MYO15A: variants seen among roughly 807,000 people sequenced by gnomAD.
The protein encoded by MYO15A is myosin XVA.
MYO15A carries 308 observed loss-of-function variants against 394.6 expected under a neutral mutation model. The ratio of observed to expected loss-of-function variants is 0.78; its 90% CI spans 0.71 to 0.86. The LOEUF is 0.86. MYO15A is among the 40% of genes least tolerant of loss of function. The probability of loss-of-function intolerance (pLI) is 0.00; values close to 1 mark genes in which losing one functional copy is unlikely to be tolerated. For missense variants in MYO15A, 4,606 were observed against 4,799.1 expected, an observed-to-expected ratio of 0.96 and a Z score of 1.19; for synonymous variants, 1,957 against 2,003.8, an observed-to-expected ratio of 0.98 and a Z score of 0.62.
intron 52 of MYO15A, 45 bp downstream of exon 52, chr17:18,158,683 G>C (rs747226995): frequency 1.9e-6 from 3 of 1,601,244 alleles, no homozygotes; most frequent in Non-Finnish European, 2.6e-6. Context: ...GAGGGTGCTG[G>C]GCTTCTTGCT....
intron 57 of MYO15A, 114 bp from the exon 58 acceptor site, chr17:18,162,471 C>T (rs1283461238): frequency 3.2e-6 from 3 of 933,928 alleles, no homozygotes; most frequent in Non-Finnish European, 5.0e-6. Flanking sequence ...GAGTAAATGC[C>T]TTCCCCACAG....
chr17:18,175,590 C>G (rs11871039), intron 65 of MYO15A, among the ~76,000 whole-genome samples: 25,673 of 152,004 alleles, frequency 0.17, 2,302 homozygotes, highest in Middle Eastern at 0.21. Context: ...GCCACCACTC[C>G]TGGCCCCCTA....
At chr17:18,171,240 A>C in intron 62 of MYO15A, among the ~76,000 whole-genome samples, 1 of 152,116 alleles carries the variant, frequency 6.6e-6, no homozygotes, top group Non-Finnish European at 1.5e-5. Flanking sequence ...TGCTTTGCCT[A>C]CCCTGATGTT....
At chr17:18,136,251 CAG>C (rs2046268342) in intron 13 of MYO15A, among the ~76,000 whole-genome samples, 164 bp from the exon 14 acceptor site, 1 of 152,156 alleles carries the variant, frequency 6.6e-6, no homozygotes, top group Non-Finnish European at 1.5e-5. Flanking sequence ...CATTTCCAGG[CAG>C]AGTCAGAGTG....
At position 18,138,215 on chromosome 17, in the gene MYO15A, G is replaced by A. The variant is rs141473928; in HGVS notation, c.4976G>A (p.Arg1659Gln). 739 of 1,613,516 alleles carry A rather than the reference G, an allele frequency of 4.6e-4. No homozygotes were observed. Among genetic ancestry groups the A allele is most frequent in the Non-Finnish European group, 5.6e-4 (664 of 1,180,012 alleles). ...LISLKPYGIL[R>Q]ILDDQCCFPQ... ...TCACTGAAGCCTTATGGCATCCTGCGGATCCTTGACGACCAGTGTTGCTTT... is the reference window on the plus strand; with the variant it reads ...TCACTGAAGCCTTATGGCATCCTGCAGATCCTTGACGACCAGTGTTGCTTT... The change falls in exon 17 of 66, where the codon CGG (arginine) becomes CAG (glutamine). Residue 1659 changes from arginine to glutamine, a missense_variant. This residue lies in a region of MYO15A where 2,776 missense variants were observed against 3,109.3 expected (regional missense o/e 0.89). Transcript: ENST00000647165.
intron 24 of MYO15A, among the ~76,000 whole-genome samples, chr17:18,142,552 C>G (rs1469421311): frequency 6.6e-6 from 1 of 152,216 alleles, no homozygotes; most frequent in Admixed American, 6.5e-5. Context: ...CAGGTTTAAT[C>G]CAGGCCTTGC....
chr17:18,125,306 C>T, intron 4 of MYO15A, 75 bp downstream of exon 4: 1 of 1,425,726 alleles, frequency 7.0e-7, no homozygotes, highest in Non-Finnish European at 9.9e-7. Context: ...GTGGGACGCA[C>T]AGATTTCTCT....
At position 18,127,066 on chromosome 17, in the gene MYO15A, C is replaced by T; in HGVS notation, c.3942-9C>T. 1 of 1,614,064 alleles carries T rather than the reference C, an allele frequency of 6.2e-7. No homozygotes were observed. The highest frequency in any genetic ancestry group is 1.1e-5 in the South Asian group (1 of 91,082). ...GGTTGGAGCTCACTCTGCCCCTTTGCTCGGTCAGTGGAGAGAGCGGCTCTG... is the reference window on the plus strand; with the variant it reads ...GGTTGGAGCTCACTCTGCCCCTTTGTTCGGTCAGTGGAGAGAGCGGCTCTG... On this transcript the variant is annotated splice_polypyrimidine_tract_variant and intron_variant, in intron 6 of 65. Coordinates refer to ENST00000647165, the MANE Select transcript of MYO15A (RefSeq NM_016239.4).
Position 18,124,585 on chromosome 17 carries a change from G to A in MYO15A, c.3692+20G>A, listed in dbSNP as rs780319267. Reference sequence around the variant, plus strand: ...GCTGGAGTGAGTGGGCAGGGCCGGCGGGGTCAGCAAGGGGTCACCATGGGG... The same window carrying A: ...GCTGGAGTGAGTGGGCAGGGCCGGCAGGGTCAGCAAGGGGTCACCATGGGG... On this transcript the variant is annotated intron_variant, in intron 3 of 65. Coordinates refer to ENST00000647165, the MANE Select transcript of MYO15A (RefSeq NM_016239.4). The A allele has an allele frequency of 1.9e-5, 30 of 1,611,282 alleles. No individual in the cohort carries two copies. In the Middle Eastern group the frequency reaches 4.9e-4, roughly 27 times the overall value.
At chr17:18,142,047 T>C (rs763053743) in intron 23 of MYO15A, 32 bp from the exon 24 acceptor site, 2 of 1,609,812 alleles carry the variant, frequency 1.2e-6, no homozygotes, top group Admixed American at 1.7e-5. Flanking sequence ...TCCTGGCTCC[T>C]ATCTGCCTCA....
rs778204085 is a variant in MYO15A at position 18,161,298 on chromosome 17, C to T, written c.9387-19C>T. 3.7e-6 allele frequency: 6 copies of T among 1,612,902 alleles called. No individual in the cohort carries two copies. Among genetic ancestry groups the T allele is most frequent in the Non-Finnish European group, 5.1e-6 (6 of 1,179,808 alleles). ...AGTGCTGTGGCCACCTCTGCTGTAG[C>T]CCCCATGTGTCCTTGCAGGGACAGC... On this transcript the variant is annotated intron_variant, in intron 56 of 65. Transcript: ENST00000647165.
chr17:18,176,970 C>T (rs2142446605), intron 65 of MYO15A: 1 of 152,370 alleles, frequency 6.6e-6, no homozygotes, highest in Non-Finnish European at 1.5e-5. Context: ...CAGCGCCTGG[C>T]ACATAGTAGA....
At chr17:18,136,171 G>A (rs2142317131) in intron 13 of MYO15A, among the ~76,000 whole-genome samples, 1 of 152,260 alleles carries the variant, frequency 6.6e-6, no homozygotes, top group Admixed American at 6.5e-5. Flanking sequence ...TCCCTTCCCA[G>A]GGTTGATCTC....
At chr17:18,157,931 G>GGGGGGGGGGGGGCCC in intron 51 of MYO15A, 31 bp downstream of exon 51, 1 of 412,710 alleles carries the variant, frequency 2.4e-6, no homozygotes, top group East Asian at 6.5e-5. Flanking sequence ...GTGGGGCGGG[G>GGGGGGGGGGGGGCCC]TAGACCAGGG....
intron 22 of MYO15A, 107 bp from the exon 23 acceptor site, chr17:18,141,546 C>A: frequency 9.3e-7 from 1 of 1,075,296 alleles, no homozygotes; most frequent in South Asian, 1.3e-5. Context: ...GGAGCCACCA[C>A]TGGGACCAGG....
chr17:18,173,553 A>C, intron 64 of MYO15A: 26 of 585,540 alleles, frequency 4.4e-5, no homozygotes, highest in East Asian at 1.3e-4. Flanking sequence ...GGTACATGAT[A>C]GATGCATCAT....
intron 12 of MYO15A, among the ~76,000 whole-genome samples, chr17:18,134,210 GCT>G (rs2046222851): frequency 6.6e-6 from 1 of 151,482 alleles, no homozygotes; most frequent in South Asian, 2.1e-4. Context: ...GGATGGTCTC[GCT>G]CTCTTGACCT....
Position 18,158,547 on chromosome 17 carries a change from G to A in MYO15A, c.8992G>A (p.Ala2998Thr), listed in dbSNP as rs761754805. 1.2e-6 allele frequency: 2 copies of A among 1,614,182 alleles called. No homozygotes were observed. The highest frequency in any genetic ancestry group is 2.2e-5 in the South Asian group (2 of 91,092). ...REGPPVRARS[A>T]DHGEDALALP... ...GGGTCCCCCAGTCAGGGCCCGCTCT[G>A]CTGACCATGGGGAGGACGCCCTGGC... is the stretch of plus-strand genomic sequence containing the variant. Residue 2998 changes from alanine (A) to threonine (T), a missense_variant, in exon 52 of 66, where the codon GCT (alanine) becomes ACT (threonine). By Grantham distance (58) the Ala-to-Thr change is moderately conservative (BLOSUM62 0). Transcript: ENST00000647165.
chr17:18,143,643 C>T (rs2046422478), intron 26 of MYO15A, 24 bp downstream of exon 26: 3 of 1,568,214 alleles, frequency 1.9e-6, no homozygotes, highest in Non-Finnish European at 2.6e-6. Context: ...TGGGTGGCAG[C>T]AGGGCCAAGG....
Sources: gnomAD v4.1 joint callset for allele counts (sites outside exome capture counted in the v4.1 genomes callset) on GRCh38, gnomAD v4.1.1 for gene constraint, gnomAD v4.1.1 regional missense constraint, MANE v1.5 for transcripts, NCBI Gene and HGNC (gene_info 2026-07-23, HGNC 2026-07-21) for gene names.